The following RAB40B variants were observed in gnomAD, a reference collection of about 807,000 sequenced individuals.
RAB40B encodes the protein RAB40B, member RAS oncogene family.
In RAB40B, 21 loss-of-function variants were observed where a neutral mutation model predicts 24.0. The observed-to-expected ratio is 0.88, with a 90% CI of 0.62 to 1.26. RAB40B has a LOEUF of 1.26. Among genes scored for constraint, RAB40B ranks in the 50% most tolerant of loss-of-function variants. The pLI is 0.00. For missense variants in RAB40B, 348 were observed against 390.5 expected (o/e 0.89, Z 0.92); for synonymous variants, 167 against 169.8 (o/e 0.98, Z 0.13).
At chr17:82,689,627 T>C (rs2046535554) in intron 1 of RAB40B, among the ~76,000 whole-genome samples, 1 of 152,214 alleles carries the variant, frequency 6.6e-6, no homozygotes, top group South Asian at 2.1e-4. Context: ...AGACATTTAA[T>C]GTATTTTAAA....
Position 82,679,040 on chromosome 17 carries a change from G to A in RAB40B, c.143-14484C>T, listed in dbSNP as rs57312817. Among the ~76,000 whole-genome samples the A allele has an allele frequency of 1.9e-4, 28 of 151,268 alleles. 2 individuals are homozygous for A. The East Asian group carries it at 3.5e-3, about 19-fold the overall frequency. ...TGGGACTACAGGCACCTGCCACCAC[G>A]CCTGGCTAATTTTTTTGTATTTTTA... On this transcript the variant is annotated intron_variant, in intron 1 of 5. Transcript: ENST00000571995.
At chr17:82,672,064 AC>A in intron 1 of RAB40B, among the ~76,000 whole-genome samples, 1 of 96,774 alleles carries the variant, frequency 1.0e-5, no homozygotes, top group Non-Finnish European at 2.3e-5. Flanking sequence ...TAACTCTAAC[AC>A]ACACACATGC....
intron 3 of RAB40B, among the ~76,000 whole-genome samples, chr17:82,660,543 TACAC>T (rs375749687): frequency 2.0e-5 from 3 of 147,456 alleles, no homozygotes; most frequent in Admixed American, 6.7e-5. Context: ...TGCACATACC[TACAC>T]ACACGTGTAC....
chr17:82,696,790 C>G (rs888436082), intron 1 of RAB40B: 2 of 157,310 alleles, frequency 1.3e-5, no homozygotes, highest in African/African-American at 4.8e-5. Flanking sequence ...GCCCTGTCCT[C>G]CAGGCGCTCA....
rs976578469 is a variant in RAB40B, at chr17:82,655,283, T to G, written c.*2580A>C. On this transcript the variant is annotated 3_prime_UTR_variant, in exon 6 of 6. Transcript: ENST00000571995. ...TCTCGGGGAGCCTCCTTGCTACATG[T>G]TCCGCTTCTGGGGACTTCTGGTGGT... is the stretch of plus-strand genomic sequence containing the variant. 2.0e-5 allele frequency: 3 copies of G among 151,698 alleles called. No homozygotes were observed. Among genetic ancestry groups the G allele is most frequent in the Non-Finnish European group, 4.4e-5 (3 of 67,926 alleles). The allele number at this position is 151,698 out of a possible 1,614,324, so 9.4% of individuals were successfully genotyped here. A position where few individuals can be genotyped will look rare whatever the true frequency, so the allele number is the denominator to read the frequency against.
intron 1 of RAB40B, among the ~76,000 whole-genome samples, chr17:82,681,872 C>A (rs12937622): frequency 0.11 from 17,242 of 151,990 alleles, 1,235 homozygotes; most frequent in South Asian, 0.18. Flanking sequence ...ATTCCCTTAA[C>A]CTGATAAAGT....
intron 5 of RAB40B, 125 bp downstream of exon 5, chr17:82,658,366 G>T: frequency 8.4e-7 from 1 of 1,189,550 alleles, no homozygotes. Context: ...CAAATGCCTT[G>T]CTCTGAGAAC....
At position 82,658,130 on chromosome 17, in the gene RAB40B, C is replaced by T; in HGVS notation, c.570G>A (p.Leu190=). 1 of 1,613,682 alleles carries T rather than the reference C, an allele frequency of 6.2e-7. No individual in the cohort carries two copies. Among genetic ancestry groups the T allele is most frequent in the Non-Finnish European group, 8.5e-7 (1 of 1,179,798 alleles). Residue 190 remains leucine, a synonymous_variant, in exon 6 of 6, where the codon CTG becomes CTA. Transcript: ENST00000571995. ...CCCGGCAGCAGAGGTCTTGCAAGCT[C>T]AGCACTTGGGAGAGAAAAGATAAAC... ...MDRLWRPSKV[L]SLQDLCCRAV...
At chr17:82,664,383 AT>A (rs1219971457) in intron 2 of RAB40B, 112 bp downstream of exon 2, 1 of 995,836 alleles carries the variant, frequency 1.0e-6, no homozygotes, top group African/African-American at 1.9e-5. Context: ...CGCTGTGCCG[AT>A]GGTGGTGGGG....
intron 1 of RAB40B, among the ~76,000 whole-genome samples, chr17:82,691,668 C>G (rs548658532): frequency 6.6e-6 from 1 of 152,004 alleles, no homozygotes; most frequent in Admixed American, 6.6e-5. Flanking sequence ...GGCGACAGAG[C>G]GAGACTCCAT....
In RAB40B at chr17:82,692,638, C is replaced by A. The variant is rs1164138858; in HGVS notation, c.142+5817G>T. 6.6e-6 allele frequency among the ~76,000 whole-genome samples: 1 copy of A among 152,214 alleles called. No individual in the cohort carries two copies. The highest frequency in any genetic ancestry group is 1.5e-5 in the Non-Finnish European group (1 of 68,034). ...TGAAAAAAGTGTGTCTCGATCCCTG[C>A]CTCAGGCCTCACCCCAGCTGGAGGC... On this transcript the variant is annotated intron_variant, in intron 1 of 5. Coordinates refer to ENST00000571995, the MANE Select transcript of RAB40B (RefSeq NM_006822.3). This position sits in a 1 kb window ranked among gnomAD's most constrained non-coding sequence, Gnocchi z 4.0.
intron 1 of RAB40B, 30 bp from the exon 2 acceptor site, chr17:82,664,586 T>C (rs1246175134): frequency 8.7e-6 from 14 of 1,605,074 alleles, no homozygotes; most frequent in South Asian, 2.2e-5. Context: ...GGCTTAGGCC[T>C]GAGGCTGCAG....
chr17:82,676,937 A>AATTT (rs60578904), intron 1 of RAB40B, among the ~76,000 whole-genome samples: 89,393 of 144,234 alleles, frequency 0.62, 28,411 homozygotes, highest in Admixed American at 0.74. Context: ...GTAGCCTACT[A>AATTT]ATTTATTTAT....
At chr17:82,664,113 G>A (rs1317915373) in intron 2 of RAB40B, among the ~76,000 whole-genome samples, 1 of 140,778 alleles carries the variant, frequency 7.1e-6, no homozygotes, top group Non-Finnish European at 1.6e-5. Flanking sequence ...GTTGGTGGGG[G>A]GAGGGTGCTC....
chr17:82,681,489 C>G (rs1440354077), intron 1 of RAB40B, among the ~76,000 whole-genome samples: 1 of 152,122 alleles, frequency 6.6e-6, no homozygotes, highest in African/African-American at 2.4e-5. Context: ...AACCCAGGCT[C>G]TGAGTGCGAA....
intron 1 of RAB40B, among the ~76,000 whole-genome samples, chr17:82,688,076 A>T (rs2046519963): frequency 1.3e-5 from 2 of 152,094 alleles, no homozygotes; most frequent in African/African-American, 4.8e-5. Context: ...GTTTCAAAAA[A>T]GACTTTACAT....
At chr17:82,665,723 C>A (rs191531958) in intron 1 of RAB40B, among the ~76,000 whole-genome samples, 2 of 151,806 alleles carry the variant, frequency 1.3e-5, no homozygotes, top group South Asian at 4.2e-4. Flanking sequence ...AAAAATTAGC[C>A]GGGTGTGGTG....
At chr17:82,694,576 GA>G (rs1056119340) in intron 1 of RAB40B, among the ~76,000 whole-genome samples, 1 of 151,222 alleles carries the variant, frequency 6.6e-6, no homozygotes, top group Non-Finnish European at 1.5e-5. Flanking sequence ...CACACACCTG[GA>G]AACTCAAAGA....
intron 1 of RAB40B, among the ~76,000 whole-genome samples, chr17:82,678,818 C>T (rs1408604946): frequency 6.6e-6 from 1 of 151,100 alleles, no homozygotes; most frequent in Non-Finnish European, 1.5e-5. Context: ...ACACCTGCAC[C>T]GTAAAATGCT....
Sources: gnomAD v4.1 joint callset for allele counts (sites outside exome capture counted in the v4.1 genomes callset) on GRCh38, gnomAD v4.1.1 for gene constraint, Gnocchi (gnomAD v3.1) non-coding constraint, MANE v1.5 for transcripts, NCBI Gene and HGNC (gene_info 2026-07-23, HGNC 2026-07-21) for gene names.